Variants in PITRM1 observed in about 807,000 individuals in gnomAD.
The protein encoded by PITRM1 is pitrilysin metallopeptidase 1.
Under a neutral mutation model 129.9 loss-of-function variants are expected in PITRM1, and 100 were observed. The observed-to-expected ratio is 0.77, with a 90% CI of 0.65 to 0.91. PITRM1 has a LOEUF of 0.91. PITRM1 is among the 40% of genes least tolerant of loss of function. The pLI, the probability that PITRM1 is intolerant of heterozygous loss-of-function variation, is 0.00. For missense variants in PITRM1, 1,471 were observed against 1,318.3 expected (o/e 1.12, Z -1.79); for synonymous variants, 591 against 508.8 (o/e 1.16, Z -2.17).
chr10:3,148,080 A>C lies in PITRM1; in HGVS notation c.1993-17T>G, dbSNP rs564313978. The C allele has an allele frequency of 1.9e-6, 3 of 1,613,834 alleles. No individual in the cohort carries two copies. In the East Asian group the frequency reaches 6.7e-5, roughly 36 times the overall value. ...AAGCACACCCTGAACCAAAGAAAAC[A>C]CAGAAGAAAGGAATTAGGGCCGAAT... On this transcript the variant is annotated splice_polypyrimidine_tract_variant and intron_variant, in intron 17 of 26. Coordinates refer to ENST00000224949, the MANE Select transcript of PITRM1 (RefSeq NM_014889.4).
In PITRM1 at chr10:3,145,658, A is replaced by G. The variant is rs1414990024; in HGVS notation, c.2395T>C (p.Phe799Leu). ...TTACTCCGACCGATGCTTCTAAGGA[A>G]GTCTTCGACCGCTTTTTCTGTCTGA... ...MPQTEKAVED[F>L]LRSIGRSKKE... The change falls in exon 21 of 27, where the codon TTC (phenylalanine) becomes CTC (leucine). Residue 799 changes from phenylalanine to leucine, a missense_variant. By Grantham distance (22) the Phe-to-Leu change is conservative. Transcript: ENST00000224949. 6.4e-7 allele frequency: 1 copy of G among 1,550,838 alleles called. No homozygotes were observed. The highest frequency in any genetic ancestry group is 8.7e-7 in the Non-Finnish European group (1 of 1,147,128).
chr10:3,157,055 A>T lies in PITRM1; in HGVS notation c.1357T>A (p.Ser453Thr), dbSNP rs1392777266. ...GGGTCCCCATCATGGTTCCAGCAAG[A>T]AGCTATGTACTGGAAGGAAGATTTC... ...FGLMLTSYIA[S>T]CWNHDGDPVE... The change falls in exon 13 of 27, where the codon TCT (serine) becomes ACT (threonine). Residue 453 changes from serine (S) to threonine (T), a missense_variant. Coordinates refer to ENST00000224949, the MANE Select transcript of PITRM1 (RefSeq NM_014889.4). 6.2e-7 allele frequency: 1 copy of T among 1,609,394 alleles called. No individual in the cohort carries two copies. Among genetic ancestry groups the T allele is most frequent in the African/African-American group, 1.3e-5 (1 of 74,870 alleles).
intron 11 of PITRM1, 105 bp downstream of exon 11, chr10:3,157,935 A>G: frequency 1.4e-6 from 1 of 738,404 alleles, no homozygotes; most frequent in Admixed American, 2.0e-5. Flanking sequence ...AGCATGTTAT[A>G]TGACAGAGAA....
upstream of PITRM1, chr10:3,172,799 A>T: frequency 1.4e-6 from 2 of 1,471,662 alleles, no homozygotes; most frequent in Non-Finnish European, 1.8e-6. Flanking sequence ...CTGGCTGGCG[A>T]GGAACCCCCT....
rs1841501193 is a variant in PITRM1, at chr10:3,151,364, CTAAAAAAGAAACAA to C, written c.1622-15_1622-2del. 1 of 1,552,752 alleles carries C rather than the reference CTAAAAAAGAAACAA, an allele frequency of 6.4e-7. No homozygotes were observed. Among genetic ancestry groups the C allele is most frequent in the Non-Finnish European group, 8.9e-7 (1 of 1,129,584 alleles). ...CTTTGTTGACTCCGTAATTCTAGAC[CTAAAAAAGAAACAA>C]GAAAAAGGAATATTCAGGGCCATAA... On this transcript the variant is annotated splice_acceptor_variant and splice_polypyrimidine_tract_variant and intron_variant, in intron 14 of 26. Coordinates refer to ENST00000224949, the MANE Select transcript of PITRM1 (RefSeq NM_014889.4). LOFTEE classifies it high-confidence loss of function.
intron 14 of PITRM1, 61 bp downstream of exon 14, chr10:3,155,530 A>G: frequency 1.3e-5 from 21 of 1,597,878 alleles, no homozygotes; most frequent in Non-Finnish European, 1.7e-5. Context: ...TAACTCACTA[A>G]CAAGTCCACT....
Position 3,138,108 on chromosome 10 carries a change from T to C in PITRM1, c.3037A>G (p.Lys1013Glu), listed in dbSNP as rs1165148557. ...AVSDRYLGTGKSTHGLAILGP... is the reference protein window; with the variant it reads ...AVSDRYLGTGESTHGLAILGP... ...AGGATGGCCAGGCCGTGTGTGCTCT[T>C]CCCAGTGCCGAGGTATCTGAGAGGA... is the stretch of plus-strand genomic sequence containing the variant. Residue 1013 changes from lysine to glutamate, a missense_variant, in exon 27 of 27, where the codon AAG (lysine) becomes GAG (glutamate). Lys to Glu is a moderately conservative substitution (Grantham distance 56). Transcript: ENST00000224949. The C allele has an allele frequency of 6.2e-7, 1 of 1,609,732 alleles. No individual in the cohort carries two copies. Among genetic ancestry groups the C allele is most frequent in the Admixed American group, 1.7e-5 (1 of 59,566 alleles).
chr10:3,153,165 C>T (rs1033662706), intron 14 of PITRM1, among the ~76,000 whole-genome samples: 3 of 152,176 alleles, frequency 2.0e-5, no homozygotes, highest in Admixed American at 6.5e-5. Context: ...AGCTACACAG[C>T]GAGTGTGTAA....
In PITRM1 at chr10:3,149,672, A is replaced by T; in HGVS notation, c.1820T>A (p.Leu607His). 6.2e-7 allele frequency: 1 copy of T among 1,605,648 alleles called. No individual in the cohort carries two copies. Residue 607 changes from leucine to histidine, a missense_variant, in exon 16 of 27, where the codon CTC (leucine) becomes CAC (histidine). Physicochemically the swap from Leu to His is moderately conservative, Grantham distance 99. Coordinates refer to ENST00000224949, the MANE Select transcript of PITRM1 (RefSeq NM_014889.4). ...CACATAGGGCCTCAGCTCCTCGGGG[A>T]GTGTGTTCAGGCTGGAGAAGGCCCG... is the stretch of plus-strand genomic sequence containing the variant. Reference protein sequence around the residue: ...YFRAFSSLNTLPEELRPYVPL... With the variant: ...YFRAFSSLNTHPEELRPYVPL...
At chr10:3,164,023 TAAAAA>T (rs5782688) in intron 6 of PITRM1, 138 bp from the exon 7 acceptor site, 6 of 333,478 alleles carry the variant, frequency 1.8e-5, no homozygotes, top group Middle Eastern at 8.2e-4. Flanking sequence ...TCTAATGGTT[TAAAAA>T]AAAAAAAAAA....
chr10:3,145,616 C>CA lies in PITRM1; in HGVS notation c.2436dup (p.Val813CysfsTer28). 1.9e-6 allele frequency: 3 copies of CA among 1,549,962 alleles called. No homozygotes were observed. The highest frequency in any genetic ancestry group is 2.6e-6 in the Non-Finnish European group (3 of 1,146,968). On this transcript the variant is annotated frameshift_variant, in exon 21 of 27. Transcript: ENST00000224949. LOFTEE classifies it high-confidence loss of function. ...CATACCTCGACCGTGTGTGGGCGCA[C>CA]AGGCCTCCGTTCCTTTTTACTCCGA...
chr10:3,166,100 G>T, intron 4 of PITRM1, 129 bp downstream of exon 4: 1 of 676,880 alleles, frequency 1.5e-6, no homozygotes, highest in Non-Finnish European at 2.4e-6. Flanking sequence ...CCTTCAACTA[G>T]AGAGAGGTAA....
At chr10:3,145,245 G>A (rs1198377983) in intron 21 of PITRM1, 1 of 239,274 alleles carries the variant, frequency 4.2e-6, no homozygotes, top group East Asian at 9.4e-5. Context: ...TCAAATCCAT[G>A]GATTCATGAG....
chr10:3,167,253 AAT>A (rs1188421332), intron 2 of PITRM1, among the ~76,000 whole-genome samples: 1 of 144,824 alleles, frequency 6.9e-6, no homozygotes, highest in African/African-American at 2.6e-5. Context: ...GGCAGATGAG[AAT>A]ATGTGTGTGT....
At chr10:3,145,786 G>T in intron 20 of PITRM1, 70 bp from the exon 21 acceptor site, 2 of 1,171,294 alleles carry the variant, frequency 1.7e-6, no homozygotes, top group Non-Finnish European at 2.5e-6. Context: ...ATCACATTTT[G>T]TATAACTCAA....
In PITRM1 at chr10:3,151,255, A is replaced by G; in HGVS notation, c.1730T>C (p.Val577Ala). 6.3e-7 allele frequency: 1 copy of G among 1,585,362 alleles called. No homozygotes were observed. Among genetic ancestry groups the G allele is most frequent in the Non-Finnish European group, 8.6e-7 (1 of 1,158,322 alleles). The change falls in exon 15 of 27, where the codon GTC (valine) becomes GCC (alanine). Residue 577 changes from valine (V) to alanine (A), a missense_variant. By Grantham distance (64) the Val-to-Ala change is moderately conservative (BLOSUM62 0). Transcript: ENST00000224949. Reference protein sequence around the residue: ...PTIPVTELDVVLTAGDIPVQY... With the variant: ...PTIPVTELDVALTAGDIPVQY... ...GTAGCGTTCACAGTGACCTGTCAGGACCACGTCCAACTCTGTGACAGGTAT... is the reference window on the plus strand; with the variant it reads ...GTAGCGTTCACAGTGACCTGTCAGGGCCACGTCCAACTCTGTGACAGGTAT...
intron 2 of PITRM1, among the ~76,000 whole-genome samples, chr10:3,168,637 T>C (rs1564439630): frequency 6.6e-6 from 1 of 152,148 alleles, no homozygotes; most frequent in Non-Finnish European, 1.5e-5. Context: ...TCATGAGAGC[T>C]GACGGTTTTA....
Position 3,166,950 on chromosome 10 carries a change from C to G in PITRM1, c.252G>C (p.Thr84=), listed in dbSNP as rs777506359. The change falls in exon 3 of 27, where the codon ACG becomes ACC. Residue 84 remains threonine, a synonymous_variant. Coordinates refer to ENST00000224949, the MANE Select transcript of PITRM1 (RefSeq NM_014889.4). ...GCACCACACACCTGAACAGATTATT[C>G]GTGTCTTCTCTGGCCAGGTGTAAAT... The part of the protein sequence containing the change: ...ARYLHLARED[T]NNLFSVQFRT... 1 of 1,598,724 alleles carries G rather than the reference C, an allele frequency of 6.3e-7. No individual in the cohort carries two copies. The highest frequency in any genetic ancestry group is 2.2e-5 in the East Asian group (1 of 44,770).
chr10:3,168,884 T>G (rs986558901), intron 2 of PITRM1, among the ~76,000 whole-genome samples: 3 of 120,312 alleles, frequency 2.5e-5, no homozygotes, highest in African/African-American at 6.2e-5. Context: ...CCCAGGAGTT[T>G]GAGACCAGTC....
Sources: gnomAD v4.1 joint callset for allele counts (sites outside exome capture counted in the v4.1 genomes callset) on GRCh38, gnomAD v4.1.1 for gene constraint, MANE v1.5 for transcripts, NCBI Gene and HGNC (gene_info 2026-07-23, HGNC 2026-07-21) for gene names.